DZANK1: variants seen among roughly 807,000 people sequenced by gnomAD.
DZANK1 encodes double zinc ribbon and ankyrin repeat-containing protein 1.
Under a neutral mutation model 94.5 loss-of-function variants are expected in DZANK1, and 91 were observed. The observed-to-expected ratio is 0.96, with a 90% CI of 0.81 to 1.15. The LOEUF (loss-of-function observed/expected upper bound fraction) is 1.15. DZANK1 is among the 50% of genes most tolerant of loss of function. DZANK1 has a pLI of 0.00. For synonymous variants in DZANK1, 312 were observed against 325.3 expected (o/e 0.96, Z 0.44); for missense variants, 903 against 916.4 (o/e 0.99, Z 0.19).
At chr20:18,415,750 T>C (rs1274882102) in intron 10 of DZANK1, among the ~76,000 whole-genome samples, 1 of 152,172 alleles carries the variant, frequency 6.6e-6, no homozygotes, top group Non-Finnish European at 1.5e-5. Flanking sequence ...AGCCCTACTG[T>C]TGATTTAACA....
chr20:18,443,515 A>T, intron 7 of DZANK1, 51 bp from the exon 8 acceptor site: 1 of 1,037,616 alleles, frequency 9.6e-7, no homozygotes, highest in African/African-American at 1.7e-5. Context: ...GCCCACATTA[A>T]GAAGACTGAT....
intron 8 of DZANK1, among the ~76,000 whole-genome samples, chr20:18,439,028 C>T (rs2058634198): frequency 6.6e-6 from 1 of 152,176 alleles, no homozygotes; most frequent in South Asian, 2.1e-4. Context: ...ATGGACATAA[C>T]AACAAACCCC....
In DZANK1 at chr20:18,453,785, A is replaced by AT. The variant is rs750054235; in HGVS notation, c.420dup (p.Tyr141IlefsTer2). ...CTGCGTTGATTTTCAGAGTTCTTAT[A>AT]TTTTTTCTTTAGTTTTGATCCAACA... is the stretch of plus-strand genomic sequence containing the variant. On this transcript the variant is annotated frameshift_variant, in exon 5 of 21. Transcript: ENST00000262547. LOFTEE classifies it high-confidence loss of function. 1.2e-5 allele frequency: 20 copies of AT among 1,612,676 alleles called. No individual in the cohort carries two copies. The highest frequency in any genetic ancestry group is 2.2e-5 in the South Asian group (2 of 91,014).
In DZANK1 at chr20:18,394,245, A is replaced by C. The variant is rs777535725; in HGVS notation, c.1708+9T>G. The C allele has an allele frequency of 2.5e-6, 4 of 1,611,420 alleles. No individual in the cohort carries two copies. The highest frequency in any genetic ancestry group is 3.4e-6 in the Non-Finnish European group (4 of 1,178,844). On this transcript the variant is annotated intron_variant, in intron 16 of 20. Coordinates refer to ENST00000262547, the Ensembl canonical transcript of DZANK1. Reference sequence around the variant, plus strand: ...GTTGTTTTAAAATTGCCAGAAGGGAATAACTCACCCCAGCTGGACCTGCTG... The same window carrying C: ...GTTGTTTTAAAATTGCCAGAAGGGACTAACTCACCCCAGCTGGACCTGCTG...
chr20:18,466,395 C>A (rs2059655127), intron 1 of DZANK1, among the ~76,000 whole-genome samples: 1 of 152,154 alleles, frequency 6.6e-6, no homozygotes, highest in African/African-American at 2.4e-5. Flanking sequence ...TGAGCTTTGT[C>A]ACAGACTGTA....
intron 15 of DZANK1, among the ~76,000 whole-genome samples, chr20:18,396,197 CCCCA>C (rs1227324624): frequency 3.9e-5 from 6 of 152,202 alleles, no homozygotes; most frequent in African/African-American, 1.2e-4. Flanking sequence ...GTTAGTCTTT[CCCCA>C]AATCAATTAT....
In DZANK1 at chr20:18,404,934, G is replaced by A. The variant is rs898110156; in HGVS notation, c.1433-6308C>T. ...CTCTTAGAAAAAAAAAAAAATAGAA[G>A]AAATTATGATGCATTTCAGAAGGCT... On this transcript the variant is annotated intron_variant, in intron 13 of 20. Transcript: ENST00000262547. Among the ~76,000 whole-genome samples, 5 of 144,810 alleles carry A rather than the reference G, an allele frequency of 3.5e-5. No individual in the cohort carries two copies. In the East Asian group the frequency reaches 6.3e-4, roughly 18 times the overall value.
chr20:18,398,923 A>G (rs546768695), intron 13 of DZANK1, among the ~76,000 whole-genome samples: 1 of 152,048 alleles, frequency 6.6e-6, no homozygotes, highest in South Asian at 2.1e-4. Context: ...CTTGAGGTCA[A>G]AAGTTCGAGA....
At chr20:18,417,034 C>CAAAAAAAAAAAA (rs55889297) in intron 10 of DZANK1, among the ~76,000 whole-genome samples, 163 of 139,314 alleles carry the variant, frequency 1.2e-3, no homozygotes, top group Non-Finnish European at 1.5e-3. Context: ...CAAAAAAAAA[C>CAAAAAAAAAAAA]AAAAAAAAAA....
intron 13 of DZANK1, among the ~76,000 whole-genome samples, chr20:18,406,980 G>A (rs1313535256): frequency 6.6e-6 from 1 of 152,232 alleles, no homozygotes; most frequent in Non-Finnish European, 1.5e-5. Flanking sequence ...CCTGTGGAAA[G>A]GGGAGGGAAG....
exon 17 of DZANK1, chr20:18,393,726 C>G: frequency 6.2e-7 from 1 of 1,608,666 alleles, no homozygotes. Flanking sequence ...GCTGCTCCTT[C>G]TTTTCTTGAA....
intron 15 of DZANK1, 191 bp from the exon 16 acceptor site, chr20:18,394,541 T>C: frequency 1.4e-6 from 1 of 694,632 alleles, no homozygotes; most frequent in Non-Finnish European, 2.6e-6. Context: ...GTTCTGCCCC[T>C]TACCCGCGGC....
At position 18,414,513 on chromosome 20, in the gene DZANK1, C is replaced by T. The variant is rs868632595; in HGVS notation, c.1078-1G>A. ...CAGAACAGCCAGCAGGAATGCCGAG[C>T]TAGAGGATAGAAAATATCTTGATGA... On this transcript the variant is annotated splice_acceptor_variant, in intron 11 of 20. Coordinates refer to ENST00000262547, the Ensembl canonical transcript of DZANK1. LOFTEE classifies it high-confidence loss of function. 2 of 1,598,910 alleles carry T rather than the reference C, an allele frequency of 1.3e-6. No individual in the cohort carries two copies. Among genetic ancestry groups the T allele is most frequent in the Non-Finnish European group, 1.7e-6 (2 of 1,172,338 alleles).
At chr20:18,393,855 A>G in intron 16 of DZANK1, 44 bp from the exon 17 acceptor site, 3 of 1,245,000 alleles carry the variant, frequency 2.4e-6, no homozygotes, top group Non-Finnish European at 3.5e-6. Flanking sequence ...CCCTCCCCCA[A>G]CTCCCCACAC....
chr20:18,453,640 C>A, intron 5 of DZANK1, 91 bp downstream of exon 5: 1 of 895,110 alleles, frequency 1.1e-6, no homozygotes, highest in Non-Finnish European at 1.8e-6. Flanking sequence ...TCCAACACTT[C>A]TCCAGACAAG....
At chr20:18,400,218 G>A (rs145407375) in intron 13 of DZANK1, among the ~76,000 whole-genome samples, 10 of 152,290 alleles carry the variant, frequency 6.6e-5, no homozygotes, top group East Asian at 1.9e-4. Context: ...GAAGGTGACC[G>A]TGGGACATGC....
chr20:18,433,625 T>C lies in DZANK1; in HGVS notation c.861+27A>G, dbSNP rs16979149. Reference sequence around the variant, plus strand: ...CAAACATTACTATGTATTTCATTCATGTTTTTACAGAATCACATTTCATTA... The same window carrying C: ...CAAACATTACTATGTATTTCATTCACGTTTTTACAGAATCACATTTCATTA... On this transcript the variant is annotated intron_variant, in intron 9 of 20. Transcript: ENST00000262547. 1.4e-3 allele frequency: 2,243 copies of C among 1,597,436 alleles called. 37 individuals carry two copies. The Admixed American group carries it at 0.03, about 22-fold the overall frequency.
chr20:18,448,229 A>G (rs1306919406), intron 7 of DZANK1, among the ~76,000 whole-genome samples: 1 of 152,246 alleles, frequency 6.6e-6, no homozygotes, highest in Non-Finnish European at 1.5e-5. Flanking sequence ...GTTTGTTACA[A>G]GGAACAACAT....
intron 10 of DZANK1, 29 bp from the exon 11 acceptor site, chr20:18,415,478 G>C (rs534657785): frequency 1.2e-5 from 18 of 1,449,940 alleles, no homozygotes; most frequent in Non-Finnish European, 1.6e-5. Flanking sequence ...TTTAAAGGCA[G>C]GATCAGTACT....
Sources: allele counts gnomAD v4.1 joint callset (sites outside exome capture counted in the v4.1 genomes callset), GRCh38; gene constraint gnomAD v4.1.1; transcripts MANE v1.5; gene names NCBI Gene and HGNC (gene_info 2026-07-23, HGNC 2026-07-21).